The following SLC44A3 variants were observed in gnomAD, a reference collection of about 807,000 sequenced individuals.
The protein encoded by SLC44A3 is solute carrier family 44 member 3.
A neutral mutation model predicts 75.4 loss-of-function variants in SLC44A3; 74 were observed. The observed-to-expected ratio is 0.98, with a 90% CI of 0.81 to 1.19. The LOEUF (loss-of-function observed/expected upper bound fraction) is 1.19. SLC44A3 is among the 50% of genes most tolerant of loss of function. The pLI, the probability that SLC44A3 is intolerant of heterozygous loss-of-function variation, is 0.00. For synonymous variants in SLC44A3, 310 were observed against 296.9 expected, an observed-to-expected ratio of 1.04 and a Z score of -0.45; for missense variants, 700 against 778.6, an observed-to-expected ratio of 0.90 and a Z score of 1.20.
At chr1:94,821,560 C>G (rs1172796076) in intron 2 of SLC44A3, among the ~76,000 whole-genome samples, 1 of 152,182 alleles carries the variant, frequency 6.6e-6, no homozygotes, top group Non-Finnish European at 1.5e-5. Context: ...TGATTTTTCC[C>G]ACTCTAATTT....
chr1:94,864,792 CTCT>C lies in SLC44A3; in HGVS notation c.1295_1297del (p.Phe432del), dbSNP rs771043321. 6 of 1,613,906 alleles carry C rather than the reference CTCT, an allele frequency of 3.7e-6. No homozygotes were observed. The African/African-American group carries it at 5.3e-5, about 14-fold the overall frequency. On this transcript the variant is annotated inframe_deletion, in exon 11 of 15. Coordinates refer to ENST00000271227, the MANE Select transcript of SLC44A3 (RefSeq NM_001114106.3). ...TCCCATCCTTTCGTCTCTCTCCATTCTCTTCTTCTACCATCAAGGAACCGTTGT... is the reference window on the plus strand; with the variant it reads ...TCCCATCCTTTCGTCTCTCTCCATTCTCTTCTACCATCAAGGAACCGTTGT...
At chr1:94,891,509 C>T (rs984997270) in intron 13 of SLC44A3, among the ~76,000 whole-genome samples, 3 of 152,208 alleles carry the variant, frequency 2.0e-5, no homozygotes, top group Non-Finnish European at 4.4e-5. Flanking sequence ...TAGTCTTACT[C>T]TCTTACCTGT....
chr1:94,868,602 A>T (rs1187888231), intron 12 of SLC44A3, among the ~76,000 whole-genome samples: 1 of 152,240 alleles, frequency 6.6e-6, no homozygotes, highest in Non-Finnish European at 1.5e-5. Flanking sequence ...GTGGTGTAAG[A>T]TGTTATAGCT....
intron 12 of SLC44A3, among the ~76,000 whole-genome samples, chr1:94,880,197 C>T (rs1387804262): frequency 6.6e-6 from 1 of 152,170 alleles, no homozygotes; most frequent in African/African-American, 2.4e-5. Flanking sequence ...GAATTCGAAG[C>T]GGGATCTCAG....
chr1:94,891,326 A>G, intron 13 of SLC44A3, 59 bp downstream of exon 13: 2 of 1,527,578 alleles, frequency 1.3e-6, no homozygotes, highest in South Asian at 1.3e-5. Flanking sequence ...CCATACAACA[A>G]TTGGTTTGAA....
intron 9 of SLC44A3, among the ~76,000 whole-genome samples, chr1:94,847,957 A>ACG (rs1664636248): frequency 6.6e-6 from 1 of 152,142 alleles, no homozygotes; most frequent in Admixed American, 6.5e-5. Context: ...GGCCGGGTGC[A>ACG]GTGGCTCACG....
intron 12 of SLC44A3, among the ~76,000 whole-genome samples, chr1:94,881,278 G>A (rs895100428): frequency 6.6e-6 from 1 of 152,142 alleles, no homozygotes; most frequent in African/African-American, 2.4e-5. Flanking sequence ...GGAGGCACAT[G>A]CACCTGACTT....
intron 5 of SLC44A3, among the ~76,000 whole-genome samples, chr1:94,830,446 C>T (rs765726547): frequency 4.6e-5 from 7 of 152,094 alleles, no homozygotes; most frequent in Non-Finnish European, 8.8e-5. Context: ...CTCGTGACCT[C>T]GTGATCCGCC....
At position 94,892,500 on chromosome 1, in the gene SLC44A3, A is replaced by T. The variant is rs745920106; in HGVS notation, c.1840A>T (p.Met614Leu). ...NDGSSEKPYF[M>L]DQEFLSFVKR... ...TGGATCGTCAGAAAAGCCCTACTTT[A>T]TGGATCAAGAATTTCTGGTAAGCAA... The change falls in exon 14 of 15, where the codon ATG becomes TTG. Residue 614 changes from methionine (M) to leucine (L), a missense_variant. Transcript: ENST00000271227. 3 of 1,613,950 alleles carry T rather than the reference A, an allele frequency of 1.9e-6. No homozygotes were observed. The highest frequency in any genetic ancestry group is 4.5e-5 in the East Asian group (2 of 44,876).
intron 12 of SLC44A3, among the ~76,000 whole-genome samples, chr1:94,883,274 G>A (rs189789574): frequency 9.9e-5 from 15 of 152,074 alleles, no homozygotes; most frequent in African/African-American, 3.6e-4. Context: ...GTCAAGTTAG[G>A]CAGACAGCTT....
intron 13 of SLC44A3, among the ~76,000 whole-genome samples, chr1:94,891,822 C>T (rs992236956): frequency 6.6e-6 from 1 of 152,042 alleles, no homozygotes; most frequent in African/African-American, 2.4e-5. Flanking sequence ...ACTCAGGAGG[C>T]TGAGGCAGGA....
At chr1:94,838,784 C>A (rs927409329) in intron 6 of SLC44A3, 6 of 152,192 alleles carry the variant, frequency 3.9e-5, no homozygotes, top group African/African-American at 1.4e-4. Context: ...CAAATACTGG[C>A]TTGGTTACAA....
At chr1:94,832,794 C>T (rs987909593) in intron 5 of SLC44A3, among the ~76,000 whole-genome samples, 2 of 152,102 alleles carry the variant, frequency 1.3e-5, no homozygotes, top group Admixed American at 6.6e-5. Context: ...GACAACATAA[C>T]GAGACCATGT....
chr1:94,829,183 C>T (rs1415654420), intron 5 of SLC44A3, among the ~76,000 whole-genome samples: 6 of 151,450 alleles, frequency 4.0e-5, no homozygotes, highest in Admixed American at 3.3e-4. Flanking sequence ...CTTGGGAGGC[C>T]GAGGCAGAAG....
At chr1:94,825,328 A>G (rs1393461309) in intron 3 of SLC44A3, among the ~76,000 whole-genome samples, 7 of 152,148 alleles carry the variant, frequency 4.6e-5, no homozygotes, top group Non-Finnish European at 2.9e-5. Flanking sequence ...ATGATGTTTT[A>G]TTTTTATTTT....
intron 4 of SLC44A3, 49 bp downstream of exon 4, chr1:94,827,692 G>A (rs775451837): frequency 1.2e-5 from 20 of 1,606,438 alleles, no homozygotes; most frequent in Non-Finnish European, 1.7e-5. Context: ...GGGGTAAGCT[G>A]TGGGGACCTA....
At chr1:94,824,129 C>T (rs1660977689) in intron 2 of SLC44A3, among the ~76,000 whole-genome samples, 1 of 151,144 alleles carries the variant, frequency 6.6e-6, no homozygotes, top group Non-Finnish European at 1.5e-5. Context: ...TTAGCATAGC[C>T]CTGAAGCAGT....
At chr1:94,852,458 C>T (rs1480202517) in intron 9 of SLC44A3, among the ~76,000 whole-genome samples, 1 of 152,122 alleles carries the variant, frequency 6.6e-6, no homozygotes, top group African/African-American at 2.4e-5. Flanking sequence ...AGTTCTAGGG[C>T]ACAGCAAGGG....
At chr1:94,880,892 T>C (rs1294395905) in intron 12 of SLC44A3, among the ~76,000 whole-genome samples, 1 of 105,624 alleles carries the variant, frequency 9.5e-6, no homozygotes, top group Non-Finnish European at 1.9e-5. Context: ...TTCTACATTT[T>C]TTTTTAATGA....
Sources: allele counts gnomAD v4.1 joint callset (sites outside exome capture counted in the v4.1 genomes callset), GRCh38; gene constraint gnomAD v4.1.1; transcripts MANE v1.5; gene names NCBI Gene and HGNC (gene_info 2026-07-23, HGNC 2026-07-21).